Variants in ROS1 observed in about 807,000 individuals in gnomAD.
ROS1 encodes the protein ROS proto-oncogene 1, receptor tyrosine kinase.
ROS1 carries 263 observed loss-of-function variants against 273.5 expected under a neutral mutation model. The ratio of observed to expected loss-of-function variants is 0.96; its 90% CI spans 0.87 to 1.06. The LOEUF (loss-of-function observed/expected upper bound fraction) is 1.06, where lower values mean the gene tolerates loss of function less well. Among genes scored for constraint, ROS1 ranks in the 50% least tolerant of loss-of-function variants. The pLI is 0.00. For missense variants in ROS1, 2,833 were observed against 2,751.1 expected (o/e 1.03, Z -0.67); for synonymous variants, 1,008 against 954.1 (o/e 1.06, Z -1.04).
At chr6:117,303,334 G>A (rs1774877492) in intron 42 of ROS1, among the ~76,000 whole-genome samples, 1 of 152,148 alleles carries the variant, frequency 6.6e-6, no homozygotes, top group Non-Finnish European at 1.5e-5. Flanking sequence ...ACAAACACGA[G>A]TTCTAATAGA....
intron 43 of ROS1, among the ~76,000 whole-genome samples, chr6:117,296,309 A>G (rs1485296308): frequency 6.6e-6 from 1 of 152,102 alleles, no homozygotes; most frequent in Admixed American, 6.6e-5. Flanking sequence ...GCCGAGGCAT[A>G]AGAATCGCTT....
intron 37 of ROS1, 152 bp downstream of exon 37, chr6:117,319,716 T>A (rs918364009): frequency 2.8e-5 from 18 of 639,424 alleles, no homozygotes; most frequent in South Asian, 1.3e-4. Flanking sequence ...TGATTTTTTT[T>A]AAATGTGATT....
chr6:117,324,549 G>A (rs555243808), intron 34 of ROS1, 134 bp from the exon 35 acceptor site: 20 of 561,272 alleles, frequency 3.6e-5, no homozygotes, highest in African/African-American at 2.1e-4. Flanking sequence ...TTAGACCGTT[G>A]GTAGCTTGAA....
intron 2 of ROS1, among the ~76,000 whole-genome samples, chr6:117,417,368 A>G (rs1201111269): frequency 6.6e-6 from 1 of 151,984 alleles, no homozygotes; most frequent in East Asian, 1.9e-4. Flanking sequence ...ACGAAGCCCT[A>G]TTGACTTATC....
chr6:117,346,964 C>T (rs1778431173), intron 27 of ROS1, among the ~76,000 whole-genome samples: 1 of 152,128 alleles, frequency 6.6e-6, no homozygotes. Context: ...TAGTTTTTTA[C>T]TTTCCCAGAA....
At chr6:117,424,595 T>C (rs1300793648) in intron 1 of ROS1, among the ~76,000 whole-genome samples, 4 of 152,066 alleles carry the variant, frequency 2.6e-5, no homozygotes, top group Non-Finnish European at 2.9e-5. Flanking sequence ...TTAAAGGCAA[T>C]GAAGTCTTCG....
At chr6:117,370,451 T>C (rs888559809) in intron 18 of ROS1, among the ~76,000 whole-genome samples, 2 of 152,318 alleles carry the variant, frequency 1.3e-5, no homozygotes, top group East Asian at 1.9e-4. Flanking sequence ...TCCTCATCTA[T>C]GAAATAAAAT....
At chr6:117,407,674 C>A (rs1030124154) in intron 5 of ROS1, among the ~76,000 whole-genome samples, 1 of 152,158 alleles carries the variant, frequency 6.6e-6, no homozygotes, top group African/African-American at 2.4e-5. Context: ...CCATCCCCAT[C>A]AAGCTACCAA....
At chr6:117,309,973 T>C (rs1201997936) in intron 41 of ROS1, 108 bp downstream of exon 41, 1 of 961,460 alleles carries the variant, frequency 1.0e-6, no homozygotes, top group Admixed American at 1.9e-5. Context: ...TTAATCTCTC[T>C]GGTCTTCTGT....
At chr6:117,369,475 G>T (rs7738170) in intron 18 of ROS1, among the ~76,000 whole-genome samples, 30,346 of 151,916 alleles carry the variant, frequency 0.2, 3,386 homozygotes, top group Admixed American at 0.34. Flanking sequence ...TCAGGAGGCT[G>T]AGGCAGGAGA....
chr6:117,318,139 G>A (rs768359275), intron 38 of ROS1, 49 bp downstream of exon 38: 36 of 1,366,864 alleles, frequency 2.6e-5, no homozygotes, highest in South Asian at 2.4e-4. Context: ...TAAGTCAAGC[G>A]GACTTAAAAC....
chr6:117,289,141 T>C (rs1773643114), intron 43 of ROS1, among the ~76,000 whole-genome samples: 1 of 152,232 alleles, frequency 6.6e-6, no homozygotes, highest in Non-Finnish European at 1.5e-5. Context: ...CAAGTCGTGG[T>C]CTTTGTGATA....
intron 38 of ROS1, among the ~76,000 whole-genome samples, chr6:117,317,496 A>G (rs944128492): frequency 6.6e-6 from 1 of 152,182 alleles, no homozygotes; most frequent in African/African-American, 2.4e-5. Flanking sequence ...GTTGGTTTTT[A>G]GAAGGAATAA....
intron 5 of ROS1, among the ~76,000 whole-genome samples, chr6:117,406,793 G>A (rs950301937): frequency 5.3e-5 from 8 of 152,062 alleles, no homozygotes; most frequent in Non-Finnish European, 8.8e-5. Context: ...ATACGAAATT[G>A]AAAGATAAAA....
intron 32 of ROS1, among the ~76,000 whole-genome samples, chr6:117,330,151 G>A (rs926980552): frequency 1.3e-5 from 2 of 152,250 alleles, no homozygotes; most frequent in African/African-American, 2.4e-5. Flanking sequence ...AGCGAGGCTG[G>A]ACAGCTTGGT....
intron 4 of ROS1, among the ~76,000 whole-genome samples, chr6:117,413,606 T>C (rs981628664): frequency 2.6e-5 from 4 of 152,142 alleles, no homozygotes; most frequent in Admixed American, 1.3e-4. Flanking sequence ...GGCAGGGCAG[T>C]GTGAGACATT....
At chr6:117,298,757 G>T (rs1278049980) in intron 43 of ROS1, among the ~76,000 whole-genome samples, 1 of 152,172 alleles carries the variant, frequency 6.6e-6, no homozygotes, top group Non-Finnish European at 1.5e-5. Context: ...CCAAGAGAAA[G>T]AAATACTCTC....
chr6:117,361,746 G>T (rs968434846), intron 22 of ROS1, among the ~76,000 whole-genome samples: 5 of 151,570 alleles, frequency 3.3e-5, no homozygotes, highest in African/African-American at 1.2e-4. Context: ...AGAATTTTAT[G>T]AAAAGAAAAA....
chr6:117,343,086 G>GT (rs11325823), intron 28 of ROS1, among the ~76,000 whole-genome samples: 150 of 143,906 alleles, frequency 1.0e-3, no homozygotes, highest in Admixed American at 1.8e-3. Context: ...AGAGTGTTTT[G>GT]TTTTTTTTTT....
Sources: gnomAD v4.1 joint callset for allele counts (sites outside exome capture counted in the v4.1 genomes callset) on GRCh38, gnomAD v4.1.1 for gene constraint, MANE v1.5 for transcripts, NCBI Gene and HGNC (gene_info 2026-07-23, HGNC 2026-07-21) for gene names.